LINGO2: variants seen among roughly 807,000 people sequenced by gnomAD.
LINGO2 encodes the protein leucine-rich repeat and immunoglobulin-like domain-containing nogo receptor-interacting protein 2.
Under a neutral mutation model 30.6 loss-of-function variants are expected in LINGO2, and 14 were observed. The observed-to-expected ratio is 0.46, with a 90% confidence interval of 0.30 to 0.72. LINGO2 has a LOEUF of 0.72. Among genes scored for constraint, LINGO2 ranks in the 30% least tolerant of loss-of-function variants. The pLI is 0.07. For missense variants in LINGO2, 729 were observed against 751.7 expected (o/e 0.97, Z 0.35); for synonymous variants, 317 against 288.5 (o/e 1.10, Z -1.00).
At chr9:27,959,742 T>A (rs1387052152) in intron 5 of LINGO2, among the ~76,000 whole-genome samples, 2 of 152,082 alleles carry the variant, frequency 1.3e-5, no homozygotes, top group African/African-American at 4.8e-5. Flanking sequence ...GATGTGAATT[T>A]GTACTTTTTG....
chr9:28,027,394 A>G (rs967156769), intron 4 of LINGO2, among the ~76,000 whole-genome samples: 7 of 152,220 alleles, frequency 4.6e-5, no homozygotes, highest in Admixed American at 4.6e-4. Flanking sequence ...AGTCCAAATA[A>G]TGCCTAAAAT....
chr9:28,888,734 C>G, the LINGO2 span: 1 of 419,388 alleles, frequency 2.4e-6, no homozygotes, highest in African/African-American at 2.1e-5. Flanking sequence ...TAACCCTTGC[C>G]TAACTGAATT....
At chr9:28,787,229 G>A in the LINGO2 span, among the ~76,000 whole-genome samples, 15 of 152,150 alleles carry the variant, frequency 9.9e-5, 1 homozygote, top group South Asian at 1.7e-3. Context: ...AGAAAATTCC[G>A]GAGCTTAACA....
chr9:28,758,842 AC>A, the LINGO2 span, among the ~76,000 whole-genome samples: 1 of 152,122 alleles, frequency 6.6e-6, no homozygotes. Flanking sequence ...ACGATAACTT[AC>A]TGGATCCATT....
intron 5 of LINGO2, among the ~76,000 whole-genome samples, chr9:27,965,517 G>C (rs866436948): frequency 1.3e-5 from 2 of 151,440 alleles, no homozygotes; most frequent in Non-Finnish European, 1.5e-5. Context: ...CCAATGGACT[G>C]TATCTATCTG....
chr9:29,177,545 A>C, the LINGO2 span, among the ~76,000 whole-genome samples: 1 of 152,194 alleles, frequency 6.6e-6, no homozygotes, highest in Admixed American at 6.5e-5. Flanking sequence ...AACCCAGAAA[A>C]AAAACATGGA....
chr9:29,179,591 G>C, the LINGO2 span, among the ~76,000 whole-genome samples: 1 of 152,012 alleles, frequency 6.6e-6, no homozygotes, highest in Non-Finnish European at 1.5e-5. Flanking sequence ...TTTTAGTAGA[G>C]ACAGGGTTTC....
chr9:28,175,422 C>A (rs1004998473), intron 4 of LINGO2, among the ~76,000 whole-genome samples: 8 of 152,140 alleles, frequency 5.3e-5, no homozygotes, highest in African/African-American at 1.9e-4. Context: ...CTCTCATTGG[C>A]AGACAGTGGC....
At chr9:28,651,024 A>C (rs1258008094) in intron 1 of LINGO2, among the ~76,000 whole-genome samples, 1 of 151,946 alleles carries the variant, frequency 6.6e-6, no homozygotes, top group Non-Finnish European at 1.5e-5. Context: ...CCCTGTCTCC[A>C]TTAAAAATAC....
intron 4 of LINGO2, among the ~76,000 whole-genome samples, chr9:28,134,117 T>C (rs1019476949): frequency 6.6e-6 from 1 of 152,298 alleles, no homozygotes; most frequent in Non-Finnish European, 1.5e-5. Context: ...ATACATTGAC[T>C]TATCTCTTCT....
chr9:28,642,073 G>GTGTA (rs1827619376), intron 1 of LINGO2, among the ~76,000 whole-genome samples: 1 of 151,022 alleles, frequency 6.6e-6, no homozygotes, highest in South Asian at 2.1e-4. Flanking sequence ...ATGTGTGTGT[G>GTGTA]TGTGTGTATG....
chr9:28,273,584 C>G (rs556032870), intron 4 of LINGO2, among the ~76,000 whole-genome samples: 9 of 152,212 alleles, frequency 5.9e-5, no homozygotes, highest in Non-Finnish European at 1.3e-4. Flanking sequence ...GAAGGAGAAC[C>G]CTAGCTTGAA....
At chr9:28,444,308 TC>T (rs1824324063) in intron 2 of LINGO2, among the ~76,000 whole-genome samples, 1 of 152,172 alleles carries the variant, frequency 6.6e-6, no homozygotes, top group Admixed American at 6.5e-5. Context: ...ACTTTGGGGT[TC>T]CCAAAACCAA....
intron 4 of LINGO2, among the ~76,000 whole-genome samples, chr9:28,186,732 T>A (rs192643134): frequency 6.6e-6 from 1 of 152,166 alleles, no homozygotes; most frequent in East Asian, 1.9e-4. Flanking sequence ...GATAAAAGAA[T>A]TCCAGGCAGA....
At chr9:29,088,801 G>C in the LINGO2 span, among the ~76,000 whole-genome samples, 1 of 152,070 alleles carries the variant, frequency 6.6e-6, no homozygotes, top group South Asian at 2.1e-4. Context: ...CAATATAGGA[G>C]AAAGACTCAT....
At chr9:28,433,949 C>CTCTCTCTATATATG (rs1225323260) in intron 2 of LINGO2, among the ~76,000 whole-genome samples, 2 of 88,480 alleles carry the variant, frequency 2.3e-5, no homozygotes, top group Non-Finnish European at 2.3e-5. Context: ...CTCTCTCTCT[C>CTCTCTCTATATATG]TATATATATA....
chr9:28,788,204 GA>G, the LINGO2 span, among the ~76,000 whole-genome samples: 12 of 152,048 alleles, frequency 7.9e-5, no homozygotes, highest in East Asian at 1.7e-3. Context: ...TAATTTTATA[GA>G]AAAAAATTCA....
At chr9:29,036,394 C>CA in the LINGO2 span, among the ~76,000 whole-genome samples, 4 of 151,636 alleles carry the variant, frequency 2.6e-5, no homozygotes, top group African/African-American at 9.7e-5. Flanking sequence ...CTTAATAACT[C>CA]AAAGAAACCA....
intron 5 of LINGO2, among the ~76,000 whole-genome samples, chr9:27,957,326 G>A (rs1198056287): frequency 6.6e-6 from 1 of 151,980 alleles, no homozygotes; most frequent in Non-Finnish European, 1.5e-5. Context: ...ACAGAGTCTT[G>A]CTTTGTCGCC....
Sources: gnomAD v4.1 joint callset for allele counts (sites outside exome capture counted in the v4.1 genomes callset) on GRCh38, gnomAD v4.1.1 for gene constraint, MANE v1.5 for transcripts, NCBI Gene and HGNC (gene_info 2026-07-23, HGNC 2026-07-21) for gene names.